Variants in TMPRSS11F observed in about 807,000 individuals in gnomAD.
The protein encoded by TMPRSS11F is transmembrane serine protease 11F, also known as transmembrane protease serine 11F.
A neutral mutation model predicts 60.2 loss-of-function variants in TMPRSS11F; 47 were observed. The observed-to-expected ratio is 0.78, with a 90% CI of 0.62 to 1.00. The LOEUF (loss-of-function observed/expected upper bound fraction) is 1.00, where lower values mean the gene tolerates loss of function less well. Among genes scored for constraint, TMPRSS11F ranks in the 50% least tolerant of loss-of-function variants. The probability of loss-of-function intolerance (pLI) is 0.00; values close to 1 mark genes in which losing one functional copy is unlikely to be tolerated. For missense variants in TMPRSS11F, 519 were observed against 522.9 expected, an observed-to-expected ratio of 0.99 and a Z score of 0.07; for synonymous variants, 166 against 167.3, an observed-to-expected ratio of 0.99 and a Z score of 0.06.
At chr4:68,057,287 A>G (rs1723066359) in intron 9 of TMPRSS11F, among the ~76,000 whole-genome samples, 1 of 150,468 alleles carries the variant, frequency 6.6e-6, no homozygotes, top group Non-Finnish European at 1.5e-5. Context: ...TGTCTCAAAA[A>G]AAAAAAAAAA....
intron 1 of TMPRSS11F, among the ~76,000 whole-genome samples, chr4:68,112,366 G>T (rs1036053008): frequency 6.6e-6 from 1 of 151,992 alleles, no homozygotes; most frequent in Non-Finnish European, 1.5e-5. Flanking sequence ...CATCTCCATG[G>T]ACCTTTTCTG....
rs186781924 is a variant in TMPRSS11F at position 68,113,341 on chromosome 4, A to G, written c.12-14303T>C. On this transcript the variant is annotated intron_variant, in intron 1 of 9. Coordinates refer to ENST00000356291, the MANE Select transcript of TMPRSS11F (RefSeq NM_207407.2). Reference sequence around the variant, plus strand: ...TGAGTGACAAAATTGGATATTGGCCAGGGAAATATCTATGTGAATTGCTGA... The same window carrying G: ...TGAGTGACAAAATTGGATATTGGCCGGGGAAATATCTATGTGAATTGCTGA... Among the ~76,000 whole-genome samples, 748 of 152,220 alleles carry G rather than the reference A, an allele frequency of 4.9e-3. 3 individuals carry two copies. The highest frequency in any genetic ancestry group is 8.1e-3 in the Non-Finnish European group (553 of 67,990).
chr4:68,118,956 G>A (rs1177342849), intron 1 of TMPRSS11F, among the ~76,000 whole-genome samples: 1 of 152,088 alleles, frequency 6.6e-6, no homozygotes, highest in African/African-American at 2.4e-5. Flanking sequence ...CATGTTGAAA[G>A]GTAAGACAGG....
chr4:68,114,075 T>C (rs1724465052), intron 1 of TMPRSS11F, among the ~76,000 whole-genome samples: 1 of 152,016 alleles, frequency 6.6e-6, no homozygotes, highest in South Asian at 2.1e-4. Flanking sequence ...ATATTTTGTT[T>C]TAAATGAAAA....
intron 1 of TMPRSS11F, among the ~76,000 whole-genome samples, chr4:68,101,157 T>C (rs1270249711): frequency 2.6e-5 from 4 of 151,610 alleles, no homozygotes; most frequent in African/African-American, 9.8e-5. Flanking sequence ...ATAGTCACAT[T>C]TGATTTTAAA....
rs1375313518 is a variant in TMPRSS11F at position 68,073,985 on chromosome 4, A to G, written c.307T>C (p.Ser103Pro). Residue 103 changes from serine (S) to proline (P), a missense_variant, in exon 4 of 10, where the codon TCT becomes CCT. Physicochemically the swap from Ser to Pro is moderately conservative, Grantham distance 74. Coordinates refer to ENST00000356291, the MANE Select transcript of TMPRSS11F (RefSeq NM_207407.2). ...RMMSRIFRHS[S>P]VGGRFIKSHV... ...GATTTGATAAATCGACCGCCTACAG[A>G]AGAATGTCGAAATATCCTAGACATC... 6.3e-7 allele frequency: 1 copy of G among 1,584,358 alleles called. No homozygotes were observed.
chr4:68,088,701 CCA>C (rs1412460550), intron 3 of TMPRSS11F, among the ~76,000 whole-genome samples: 2 of 152,088 alleles, frequency 1.3e-5, no homozygotes, highest in Non-Finnish European at 2.9e-5. Flanking sequence ...ATCTCTCAGC[CCA>C]CAGTGCAATC....
At chr4:68,072,560 T>A in intron 4 of TMPRSS11F, 74 bp from the exon 5 acceptor site, 1 of 1,209,558 alleles carries the variant, frequency 8.3e-7, no homozygotes, top group Non-Finnish European at 1.1e-6. Context: ...GGACTCACAT[T>A]AAACTTAAAA....
intron 7 of TMPRSS11F, among the ~76,000 whole-genome samples, chr4:68,066,140 G>A (rs531500574): frequency 1.4e-4 from 20 of 144,912 alleles, no homozygotes; most frequent in African/African-American, 4.8e-4. Flanking sequence ...AAAAGAGCAG[G>A]GAGATGGGAG....
intron 8 of TMPRSS11F, among the ~76,000 whole-genome samples, chr4:68,060,904 T>C (rs577774182): frequency 1.1e-4 from 17 of 152,176 alleles, no homozygotes; most frequent in African/African-American, 4.1e-4. Flanking sequence ...ATTATGGTAA[T>C]AACAAGTTCT....
chr4:68,097,708 AT>A lies in TMPRSS11F; in HGVS notation c.163+1178del, dbSNP rs903131481. ...TTGTCATTATTTTTACTATCCCTTC[AT>A]TTTTTTTTCGTTTTTAAGCATTGGG... is the stretch of plus-strand genomic sequence containing the variant. On this transcript the variant is annotated intron_variant, in intron 2 of 9. Transcript: ENST00000356291. Among the ~76,000 whole-genome samples the A allele has an allele frequency of 3.4e-5, 5 of 148,484 alleles. No individual in the cohort carries two copies. In the East Asian group the frequency reaches 5.9e-4, roughly 18 times the overall value.
intron 1 of TMPRSS11F, among the ~76,000 whole-genome samples, chr4:68,110,943 C>G (rs1724399081): frequency 6.6e-6 from 1 of 152,036 alleles, no homozygotes; most frequent in Non-Finnish European, 1.5e-5. Context: ...ATGGACAGTA[C>G]AACTCTTTAA....
At chr4:68,124,325 A>G (rs1192173624) in intron 1 of TMPRSS11F, among the ~76,000 whole-genome samples, 1 of 152,154 alleles carries the variant, frequency 6.6e-6, no homozygotes, top group Non-Finnish European at 1.5e-5. Context: ...GAGCTCAAGA[A>G]AACCCCGTCT....
intron 1 of TMPRSS11F, among the ~76,000 whole-genome samples, chr4:68,120,292 G>A (rs1724598777): frequency 6.6e-6 from 1 of 151,642 alleles, no homozygotes; most frequent in Non-Finnish European, 1.5e-5. Flanking sequence ...CAGTGGCAGA[G>A]TTTCAGAGGA....
chr4:68,114,633 T>G (rs1302442509), intron 1 of TMPRSS11F, among the ~76,000 whole-genome samples: 1 of 152,056 alleles, frequency 6.6e-6, no homozygotes, highest in East Asian at 1.9e-4. Flanking sequence ...GCTTCCAATT[T>G]TTTTAATGAA....
intron 1 of TMPRSS11F, among the ~76,000 whole-genome samples, chr4:68,106,618 A>G (rs1412363924): frequency 1.3e-5 from 2 of 152,166 alleles, no homozygotes; most frequent in African/African-American, 4.8e-5. Flanking sequence ...GGTTACAACT[A>G]TGAGTTAATA....
chr4:68,108,856 G>A (rs1577932720), intron 1 of TMPRSS11F, among the ~76,000 whole-genome samples: 1 of 152,218 alleles, frequency 6.6e-6, no homozygotes, highest in Middle Eastern at 3.4e-3. Flanking sequence ...TAAGTATGGG[G>A]GTAGGGATTT....
intron 2 of TMPRSS11F, 128 bp from the exon 3 acceptor site, chr4:68,090,769 T>G (rs1723912462): frequency 3.5e-6 from 5 of 1,425,498 alleles, no homozygotes; most frequent in Admixed American, 2.8e-5. Flanking sequence ...TAAAAATTCT[T>G]GAAGACACTT....
chr4:68,093,780 C>A (rs1461970589), intron 2 of TMPRSS11F, among the ~76,000 whole-genome samples: 17 of 151,216 alleles, frequency 1.1e-4, no homozygotes, highest in Non-Finnish European at 2.2e-4. Flanking sequence ...TTTATGCAGC[C>A]AAAAAACACA....
Sources: gnomAD v4.1 joint callset for allele counts (sites outside exome capture counted in the v4.1 genomes callset) on GRCh38, gnomAD v4.1.1 for gene constraint, MANE v1.5 for transcripts, NCBI Gene and HGNC (gene_info 2026-07-23, HGNC 2026-07-21) for gene names.